The following TEC variants were observed in gnomAD, a reference collection of about 807,000 sequenced individuals.
The protein encoded by TEC is tec protein tyrosine kinase.
Under a neutral mutation model 93.0 loss-of-function variants are expected in TEC, and 72 were observed. The observed-to-expected ratio is 0.77, with a 90% CI of 0.64 to 0.94. TEC has a LOEUF of 0.94. Ranked by LOEUF, TEC falls within the 40% of genes least tolerant of loss-of-function variation. The probability of loss-of-function intolerance (pLI) is 0.00; values close to 1 mark genes in which losing one functional copy is unlikely to be tolerated. For missense variants in TEC, 630 were observed against 757.9 expected, an observed-to-expected ratio of 0.83 and a Z score of 1.98; for synonymous variants, 249 against 247.7, an observed-to-expected ratio of 1.01 and a Z score of -0.05.
intron 2 of TEC, among the ~76,000 whole-genome samples, chr4:48,224,878 C>A (rs1723390166): frequency 6.6e-6 from 1 of 152,096 alleles, no homozygotes; most frequent in South Asian, 2.1e-4. Flanking sequence ...AGAAGATGGA[C>A]GTCTTCTGTC....
At chr4:48,175,986 A>AAATCAGTC in intron 3 of TEC, 96 bp downstream of exon 3, 1 of 875,036 alleles carries the variant, frequency 1.1e-6, no homozygotes, top group Non-Finnish European at 1.8e-6. Context: ...ATGAACCTAC[A>AAATCAGTC]AATCAGCCAG....
At chr4:48,238,687 T>A (rs2664027) in intron 1 of TEC, among the ~76,000 whole-genome samples, 41,494 of 149,562 alleles carry the variant, frequency 0.28, 8,418 homozygotes, top group African/African-American at 0.55. Flanking sequence ...AATTTATATA[T>A]ATGTATATAA....
intron 2 of TEC, among the ~76,000 whole-genome samples, chr4:48,223,086 T>C (rs1168584573): frequency 1.3e-5 from 2 of 152,134 alleles, no homozygotes; most frequent in Admixed American, 6.5e-5. Flanking sequence ...TGAAAAGATA[T>C]TATGTGTCAA....
intron 2 of TEC, among the ~76,000 whole-genome samples, chr4:48,201,518 C>G (rs1722508453): frequency 6.6e-6 from 1 of 152,066 alleles, no homozygotes; most frequent in Admixed American, 6.5e-5. Context: ...TGGAAGGAGA[C>G]AAGCAGTGGC....
chr4:48,195,540 T>C (rs1047751212), intron 2 of TEC, among the ~76,000 whole-genome samples: 2 of 152,344 alleles, frequency 1.3e-5, no homozygotes, highest in South Asian at 4.1e-4. Context: ...GTACAGGTCG[T>C]GTGTGCACAG....
At chr4:48,229,207 T>C (rs1723575729) in intron 1 of TEC, among the ~76,000 whole-genome samples, 1 of 152,180 alleles carries the variant, frequency 6.6e-6, no homozygotes, top group Admixed American at 6.5e-5. Flanking sequence ...CTCTGGTGTC[T>C]ACACTACCAT....
intron 16 of TEC, 26 bp downstream of exon 16, chr4:48,138,878 C>A (rs753503436): frequency 6.2e-7 from 1 of 1,613,844 alleles, no homozygotes; most frequent in Admixed American, 1.7e-5. Context: ...TCAGGGCGGA[C>A]GGACATGAGG....
At chr4:48,193,985 G>A (rs888888313) in intron 2 of TEC, among the ~76,000 whole-genome samples, 1 of 152,154 alleles carries the variant, frequency 6.6e-6, no homozygotes, top group African/African-American at 2.4e-5. Flanking sequence ...ATCCAAATAC[G>A]CAATGGCCAA....
At chr4:48,142,531 A>G (rs1719722464) in intron 14 of TEC, among the ~76,000 whole-genome samples, 2 of 152,226 alleles carry the variant, frequency 1.3e-5, no homozygotes, top group Non-Finnish European at 2.9e-5. Flanking sequence ...CCAGTATATT[A>G]TAACATGATG....
chr4:48,248,946 C>T (rs1724130672), intron 1 of TEC, among the ~76,000 whole-genome samples: 1 of 150,446 alleles, frequency 6.6e-6, no homozygotes. Context: ...ACACTGAAAA[C>T]CAGAAATCTG....
At chr4:48,259,743 A>G (rs572271423) in intron 1 of TEC, among the ~76,000 whole-genome samples, 41 of 152,172 alleles carry the variant, frequency 2.7e-4, no homozygotes, top group African/African-American at 9.6e-4. Flanking sequence ...AAAGATGTCA[A>G]AAGAAAAATC....
chr4:48,267,308 G>A (rs996336266), intron 1 of TEC, among the ~76,000 whole-genome samples: 18 of 152,164 alleles, frequency 1.2e-4, no homozygotes, highest in African/African-American at 4.3e-4. Context: ...GGTCATCTGA[G>A]CTCTGAGCAG....
chr4:48,245,295 G>GAAA (rs10622690), intron 1 of TEC, among the ~76,000 whole-genome samples: 12 of 145,364 alleles, frequency 8.3e-5, no homozygotes, highest in African/African-American at 1.3e-4. Flanking sequence ...CCTTCTCCAG[G>GAAA]AAAAAAAAAA....
chr4:48,204,469 TCA>T (rs1722636650), intron 2 of TEC, among the ~76,000 whole-genome samples: 1 of 152,222 alleles, frequency 6.6e-6, no homozygotes, highest in Non-Finnish European at 1.5e-5. Context: ...CCTCCAGACT[TCA>T]CGTGCCTTTT....
chr4:48,191,352 T>C (rs927706718), intron 2 of TEC, among the ~76,000 whole-genome samples: 10 of 152,210 alleles, frequency 6.6e-5, no homozygotes, highest in East Asian at 5.8e-4. Context: ...TTTAATATTA[T>C]ATACTCTCTA....
intron 3 of TEC, among the ~76,000 whole-genome samples, chr4:48,173,950 C>T (rs950102023): frequency 6.6e-6 from 1 of 152,176 alleles, no homozygotes; most frequent in African/African-American, 2.4e-5. Flanking sequence ...AAAATGTCTA[C>T]TTCTACTTTT....
Position 48,157,962 on chromosome 4 carries a change from C to T in TEC, c.738-1228G>A, listed in dbSNP as rs185455562. 1.5e-3 allele frequency among the ~76,000 whole-genome samples: 235 copies of T among 152,348 alleles called. 2 individuals carry two copies. Among genetic ancestry groups the T allele is most frequent in the African/African-American group, 5.3e-3 (221 of 41,580 alleles). On this transcript the variant is annotated intron_variant, in intron 8 of 17. Transcript: ENST00000381501. ...AGCAAATAGGCTATAAGAACATAGA[C>T]AATTTTCTTCGGTCTTTGGTTTTAA...
At position 48,217,357 on chromosome 4, in the gene TEC, C is replaced by G. The variant is rs181793398; in HGVS notation, c.138+11120G>C. 2.4e-3 allele frequency among the ~76,000 whole-genome samples: 370 copies of G among 152,272 alleles called. 2 individuals carry two copies. Among genetic ancestry groups the G allele is most frequent in the Non-Finnish European group, 3.8e-3 (257 of 68,022 alleles). On this transcript the variant is annotated intron_variant, in intron 2 of 17. Transcript: ENST00000381501. The stretch of plus-strand genomic sequence containing the variant: ...GACCTCATGATCCGCCCAACTCGGC[C>G]TCCCAAAGTGCTGGGATTACAGGCG...
At position 48,176,229 on chromosome 4, in the gene TEC, TA is replaced by T. The variant is rs773768291; in HGVS notation, c.139-44del. 5 of 1,457,016 alleles carry T rather than the reference TA, an allele frequency of 3.4e-6. No homozygotes were observed. The South Asian group carries it at 3.5e-5, about 10-fold the overall frequency. The allele number at this position is 1,457,016 out of a possible 1,614,324, so 90.3% of individuals were successfully genotyped here. On this transcript the variant is annotated intron_variant, in intron 2 of 17. Coordinates refer to ENST00000381501, the MANE Select transcript of TEC (RefSeq NM_003215.3). The stretch of plus-strand genomic sequence containing the variant: ...GGAGAAACATTAGAATCATAAGACA[TA>T]AAAAAATTAACAGTAATATTGTTAA...
Sources: gnomAD v4.1 joint callset for allele counts (sites outside exome capture counted in the v4.1 genomes callset) on GRCh38, gnomAD v4.1.1 for gene constraint, MANE v1.5 for transcripts, NCBI Gene and HGNC (gene_info 2026-07-23, HGNC 2026-07-21) for gene names.